The following KPNA7 variants were observed in gnomAD, a reference collection of about 807,000 sequenced individuals.
The protein encoded by KPNA7 is importin subunit alpha-8.
KPNA7 carries 54 observed loss-of-function variants against 53.7 expected under a neutral mutation model. The ratio of observed to expected loss-of-function variants is 1.01; its 90% CI spans 0.81 to 1.26. KPNA7 has a LOEUF of 1.26. KPNA7 is among the 50% of genes most tolerant of loss of function. The probability of loss-of-function intolerance (pLI) is 0.00; values close to 1 mark genes in which losing one functional copy is unlikely to be tolerated. For missense variants in KPNA7, 640 were observed against 644.5 expected, an observed-to-expected ratio of 0.99 and a Z score of 0.07; for synonymous variants, 276 against 259.3, an observed-to-expected ratio of 1.06 and a Z score of -0.62.
intron 9 of KPNA7, among the ~76,000 whole-genome samples, chr7:99,180,771 CTCTCTCTCTCTCCCCGTCTGTG>C (rs1799167551): frequency 1.1e-5 from 1 of 88,776 alleles, no homozygotes; most frequent in African/African-American, 4.1e-5. Context: ...CCGTCTGTGT[CTCTCTCTCTCTCCCCGTCTGTG>C]TCTCTCTCTC....
chr7:99,187,796 TTTTAAAAAAAAAAAAAAAAAA>T (rs1208716678), intron 7 of KPNA7, among the ~76,000 whole-genome samples: 1,405 of 30,732 alleles, frequency 0.046, 43 homozygotes, highest in African/African-American at 0.11. Context: ...CGGCCTTTTT[TTTTAAAAAAAAAAAAAAAAAA>T]AAAAAAAAAA....
In KPNA7 at chr7:99,193,010, G is replaced by C. The variant is rs2150745425; in HGVS notation, c.636+9C>G. On this transcript the variant is annotated intron_variant, in intron 6 of 10. Transcript: ENST00000327442. ...AAAAAAAAAAAAAGAGAAAGAAAAA[G>C]ACACTTACCGGCAGGGTGGGTGAAA... is the stretch of plus-strand genomic sequence containing the variant. The C allele has an allele frequency of 1.4e-6, 2 of 1,479,404 alleles. No homozygotes were observed. The highest frequency in any genetic ancestry group is 1.4e-5 in the African/African-American group (1 of 69,292). The allele number at this position is 1,479,404 out of a possible 1,614,324, so 91.6% of individuals were successfully genotyped here. A position where few individuals can be genotyped will look rare whatever the true frequency, so the allele number is the denominator to read the frequency against.
the KPNA7 span, among the ~76,000 whole-genome samples, chr7:99,152,498 C>T: frequency 1.1e-4 from 16 of 151,848 alleles, no homozygotes; most frequent in Non-Finnish European, 5.9e-5. Context: ...AAGTGTTTGG[C>T]GGGTTCACCA....
At chr7:99,175,496 T>TA (rs941357569) in intron 10 of KPNA7, among the ~76,000 whole-genome samples, 3 of 132,730 alleles carry the variant, frequency 2.3e-5, no homozygotes, top group African/African-American at 8.1e-5. Context: ...TTTATTTATT[T>TA]ATTTATTTAT....
intron 8 of KPNA7, 91 bp from the exon 9 acceptor site, chr7:99,182,156 A>AC: frequency 1.1e-6 from 1 of 924,606 alleles, no homozygotes; most frequent in Non-Finnish European, 1.6e-6. Flanking sequence ...GAGGCTGGTG[A>AC]CAGCCAGGAC....
chr7:99,204,942 T>C (rs1790721224), intron 2 of KPNA7, among the ~76,000 whole-genome samples: 1 of 152,166 alleles, frequency 6.6e-6, no homozygotes, highest in Non-Finnish European at 1.5e-5. Context: ...ATTGAGCCCA[T>C]CATACTGTTG....
chr7:99,181,231 TTCTCTG>T (rs549782519), intron 9 of KPNA7, among the ~76,000 whole-genome samples: 12 of 149,566 alleles, frequency 8.0e-5, no homozygotes, highest in East Asian at 3.9e-4. Context: ...CCGTCTGTCT[TTCTCTG>T]TCTCTGTCTC....
the KPNA7 span, among the ~76,000 whole-genome samples, chr7:99,159,916 A>C: frequency 1.3e-5 from 2 of 151,996 alleles, no homozygotes; most frequent in African/African-American, 4.8e-5. Flanking sequence ...GAATTTATTA[A>C]GAGAAGGAAA....
chr7:99,177,205 T>G (rs944124974), intron 10 of KPNA7, among the ~76,000 whole-genome samples: 2 of 152,222 alleles, frequency 1.3e-5, no homozygotes, highest in African/African-American at 4.8e-5. Context: ...AAATGATGGT[T>G]ACTAAAAGGG....
Position 99,203,120 on chromosome 7 carries a change from CTG to C in KPNA7, c.185_186del (p.Thr62SerfsTer12). The C allele has an allele frequency of 1.3e-6, 2 of 1,551,634 alleles. No individual in the cohort carries two copies. The highest frequency in any genetic ancestry group is 1.7e-6 in the Non-Finnish European group (2 of 1,146,966). On this transcript the variant is annotated frameshift_variant, in exon 3 of 11. Transcript: ENST00000327442. LOFTEE classifies it high-confidence loss of function. ...SFCPDTPSEK[T>X]AKGVAVSLTL... ...TACATACTGACCGCCACCCCTTTGGCTGTTTTTTCAGAAGGTGTGTCAGGGCA... is the reference window on the plus strand; with the variant it reads ...TACATACTGACCGCCACCCCTTTGGCTTTTTTCAGAAGGTGTGTCAGGGCA...
At chr7:99,203,680 A>T (rs1790660732) in intron 2 of KPNA7, among the ~76,000 whole-genome samples, 1 of 151,930 alleles carries the variant, frequency 6.6e-6, no homozygotes. Flanking sequence ...AGATGCCCTG[A>T]TCATTTCCAC....
rs757085194 is a variant in KPNA7, at chr7:99,207,436, G to T, written c.31C>A (p.Arg11=). Reference sequence around the variant, plus strand: ...TTGCCTCGGTACTTAAATTTTCTCCGCCTCTCTTCTGGAGCATCTAAGGTC... The same window carrying T: ...TTGCCTCGGTACTTAAATTTTCTCCTCCTCTCTTCTGGAGCATCTAAGGTC... MPTLDAPEER[R]RKFKYRGKDV... is the part of the protein sequence containing the mutation. The change falls in exon 2 of 11, where the codon CGG becomes AGG. Residue 11 remains arginine (R), a synonymous_variant. Transcript: ENST00000327442. 2 of 1,551,176 alleles carry T rather than the reference G, an allele frequency of 1.3e-6. No individual in the cohort carries two copies. The highest frequency in any genetic ancestry group is 1.4e-5 in the African/African-American group (1 of 73,028).
At chr7:99,200,149 C>T (rs13244043) in intron 3 of KPNA7, among the ~76,000 whole-genome samples, 11,194 of 152,032 alleles carry the variant, frequency 0.074, 468 homozygotes, top group South Asian at 0.15. Flanking sequence ...GTGATCCATC[C>T]GCCTCAGCCT....
chr7:99,163,989 T>C, the KPNA7 span, among the ~76,000 whole-genome samples: 1 of 151,680 alleles, frequency 6.6e-6, no homozygotes, highest in Non-Finnish European at 1.5e-5. Flanking sequence ...CAGGAAACAA[T>C]AGGTGCTAGA....
upstream of KPNA7, among the ~76,000 whole-genome samples, chr7:99,211,716 G>C (rs970852790): frequency 6.6e-6 from 1 of 152,142 alleles, no homozygotes; most frequent in Non-Finnish European, 1.5e-5. Context: ...TCAGAGCAGA[G>C]GAAACCAACA....
intron 6 of KPNA7, among the ~76,000 whole-genome samples, chr7:99,190,352 A>C (rs1789877882): frequency 7.0e-6 from 1 of 142,476 alleles, no homozygotes; most frequent in African/African-American, 2.6e-5. Flanking sequence ...AAAAAAAAGC[A>C]GAAAAAAAAG....
At chr7:99,201,443 C>G (rs924853274) in intron 3 of KPNA7, among the ~76,000 whole-genome samples, 1 of 151,918 alleles carries the variant, frequency 6.6e-6, no homozygotes, top group Non-Finnish European at 1.5e-5. Context: ...GCAGACAGAT[C>G]ACAAGGTCAG....
chr7:99,203,370 CAGTT>C, intron 2 of KPNA7, 130 bp from the exon 3 acceptor site: 4 of 848,686 alleles, frequency 4.7e-6, no homozygotes, highest in Non-Finnish European at 7.3e-6. Flanking sequence ...TCAGATCACA[CAGTT>C]AGTAAATCAT....
At chr7:99,217,653 CAG>C (rs1166339524) in intron 1 of KPNA7, among the ~76,000 whole-genome samples, 1 of 108,378 alleles carries the variant, frequency 9.2e-6, no homozygotes, top group Non-Finnish European at 1.7e-5. Context: ...TTTTTTGAGA[CAG>C]AGTCTTGCTC....
Sources: gnomAD v4.1 joint callset for allele counts (sites outside exome capture counted in the v4.1 genomes callset) on GRCh38, gnomAD v4.1.1 for gene constraint, MANE v1.5 for transcripts, NCBI Gene and HGNC (gene_info 2026-07-23, HGNC 2026-07-21) for gene names.